Variants in SYNE2 observed in about 807,000 individuals in gnomAD.
SYNE2 encodes nesprin-2.
In SYNE2, 431 loss-of-function variants were observed where a neutral mutation model predicts 856.3. The observed-to-expected ratio is 0.50, with a 90% CI of 0.47 to 0.55. The LOEUF (loss-of-function observed/expected upper bound fraction) is 0.55, where lower values mean the gene tolerates loss of function less well. SYNE2 is among the 20% of genes least tolerant of loss of function. SYNE2 has a pLI of 0.00. For missense variants in SYNE2, 8,129 were observed against 8,023.2 expected, an observed-to-expected ratio of 1.01 and a Z score of -0.50; for synonymous variants, 2,923 against 2,872.3, an observed-to-expected ratio of 1.02 and a Z score of -0.56.
Position 64,070,734 on chromosome 14 carries a change from C to G in SYNE2, c.10521C>G (p.Leu3507=). The change falls in exon 52 of 116, where the codon CTC becomes CTG. Residue 3507 remains leucine (L), a synonymous_variant. Coordinates refer to ENST00000555002, the MANE Select transcript of SYNE2 (RefSeq NM_182914.3). ...AAGAGGCAGCCACCACAGAGGAACT[C>G]TCTGAGCTGCTAGACTGTTTATGCC... ...KTKEAATTEE[L]SELLDCLCQY... is the part of the protein sequence containing the mutation. 6.2e-7 allele frequency: 1 copy of G among 1,614,198 alleles called. No individual in the cohort carries two copies. The highest frequency in any genetic ancestry group is 1.1e-5 in the South Asian group (1 of 91,084).
chr14:64,202,239 G>A (rs1361588630), intron 99 of SYNE2: 1 of 702,350 alleles, frequency 1.4e-6, no homozygotes, highest in East Asian at 2.7e-5. Flanking sequence ...AATGTATACG[G>A]CTGGGTGAAC....
chr14:64,081,991 C>T (rs1392022669), intron 57 of SYNE2, among the ~76,000 whole-genome samples: 1 of 151,770 alleles, frequency 6.6e-6, no homozygotes, highest in Non-Finnish European at 1.5e-5. Flanking sequence ...GAGGCTGAGG[C>T]AGGAGAATGG....
In SYNE2 at chr14:64,024,986, C is replaced by T. The variant is rs113146258; in HGVS notation, c.5915C>T (p.Pro1972Leu). 8.6e-5 allele frequency: 139 copies of T among 1,613,904 alleles called. 6 individuals carry two copies. In the African/African-American group the frequency reaches 1.0e-3, roughly 12 times the overall value. Residue 1972 changes from proline (P) to leucine (L), a missense_variant, in exon 40 of 116, where the codon CCA becomes CTA. Around this residue, in one of 3 missense-constraint regions of SYNE2, gnomAD observed 2,422 missense variants for 2,357.4 expected, o/e 1.03. Coordinates refer to ENST00000555002, the MANE Select transcript of SYNE2 (RefSeq NM_182914.3). ...GAGAAATGGAAAGGAATGGAAGAAC[C>T]AGGGGAGAAAACTGAGCTGTTCTGC... ...QEEKWKGMEE[P>L]GEKTELFCQA...
intron 77 of SYNE2, 59 bp downstream of exon 77, chr14:64,132,497 C>T (rs774874620): frequency 2.4e-5 from 38 of 1,593,828 alleles, no homozygotes; most frequent in Non-Finnish European, 3.3e-5. Flanking sequence ...TCCATCACCA[C>T]CCCAGGTGTT....
At chr14:64,147,091 G>T (rs535508618) in intron 84 of SYNE2, among the ~76,000 whole-genome samples, 1 of 151,390 alleles carries the variant, frequency 6.6e-6, no homozygotes, top group Non-Finnish European at 1.5e-5. Context: ...CCTACATTCC[G>T]CAGCCTGGTG....
chr14:63,875,688 C>T (rs1199589290), intron 1 of SYNE2, among the ~76,000 whole-genome samples: 2 of 152,138 alleles, frequency 1.3e-5, no homozygotes, highest in African/African-American at 4.8e-5. Flanking sequence ...CAACCTCAGC[C>T]AGTCATGGGG....
At chr14:63,968,208 G>A (rs553558182) in intron 11 of SYNE2, among the ~76,000 whole-genome samples, 1 of 152,202 alleles carries the variant, frequency 6.6e-6, no homozygotes, top group South Asian at 2.1e-4. Flanking sequence ...TTTTTTGGAT[G>A]AGGGCTTTAT....
chr14:63,865,816 C>A (rs1023902387), intron 1 of SYNE2, among the ~76,000 whole-genome samples: 1 of 149,462 alleles, frequency 6.7e-6, no homozygotes, highest in African/African-American at 2.5e-5. Flanking sequence ...TTTTACAAAT[C>A]AAAAACAAAA....
chr14:63,821,540 G>T (rs1310802670), intron 1 of SYNE2, among the ~76,000 whole-genome samples: 1 of 151,816 alleles, frequency 6.6e-6, no homozygotes, highest in Non-Finnish European at 1.5e-5. Flanking sequence ...GATCACTTGA[G>T]GTTAGGAGTT....
intron 64 of SYNE2, among the ~76,000 whole-genome samples, chr14:64,106,957 C>T (rs2097775719): frequency 6.6e-6 from 1 of 152,008 alleles, no homozygotes; most frequent in Non-Finnish European, 1.5e-5. Context: ...GGTAGTTGTT[C>T]CTAAATGGAA....
At chr14:63,913,806 T>C (rs2095502463) in intron 2 of SYNE2, among the ~76,000 whole-genome samples, 1 of 152,154 alleles carries the variant, frequency 6.6e-6, no homozygotes, top group South Asian at 2.1e-4. Flanking sequence ...AAATTCAGGC[T>C]ATTAAAATGA....
At chr14:63,861,112 A>G (rs1893504838) in intron 1 of SYNE2, among the ~76,000 whole-genome samples, 1 of 151,094 alleles carries the variant, frequency 6.6e-6, no homozygotes, top group Admixed American at 6.6e-5. Context: ...AAGTCTATGC[A>G]TATGGTTAAG....
intron 45 of SYNE2, among the ~76,000 whole-genome samples, chr14:64,038,754 A>G (rs533353096): frequency 2.8e-3 from 427 of 152,340 alleles, no homozygotes; most frequent in African/African-American, 8.6e-3. Flanking sequence ...GAGGCAGGAG[A>G]ATCAGGCAGG....
intron 1 of SYNE2, among the ~76,000 whole-genome samples, chr14:63,832,393 G>A (rs767917263): frequency 1.3e-4 from 20 of 151,692 alleles, no homozygotes; most frequent in Non-Finnish European, 2.4e-4. Context: ...CTCCCACCTC[G>A]GCCTCCCAAA....
chr14:64,122,258 C>A, intron 69 of SYNE2, 28 bp from the exon 70 acceptor site: 1 of 1,614,086 alleles, frequency 6.2e-7, no homozygotes, highest in Non-Finnish European at 8.5e-7. Flanking sequence ...GTTGATTATT[C>A]TCTTCACCTT....
chr14:63,824,367 G>A lies in SYNE2; in HGVS notation c.-304-28134G>A, dbSNP rs893417887. 5.9e-5 allele frequency among the ~76,000 whole-genome samples: 9 copies of A among 152,134 alleles called. No individual in the cohort carries two copies. In the South Asian group the frequency reaches 6.2e-4, roughly 10 times the overall value. On this transcript the variant is annotated intron_variant, in intron 1 of 23. Coordinates refer to the SYNE2 transcript ENST00000674003. ...AAAAATGCATAACTAGGCCGAGTGCGGTGGCTCACCTCTGTAATACCAGCA... is the reference window on the plus strand; with the variant it reads ...AAAAATGCATAACTAGGCCGAGTGCAGTGGCTCACCTCTGTAATACCAGCA...
intron 49 of SYNE2, among the ~76,000 whole-genome samples, chr14:64,059,291 A>G (rs11622567): frequency 0.071 from 10,760 of 152,122 alleles, 619 homozygotes; most frequent in African/African-American, 0.15. Context: ...GATTGCTTGT[A>G]CCTGTCCTTC....
chr14:63,977,931 T>C lies in SYNE2; in HGVS notation c.1320T>C (p.His440=), dbSNP rs370869872. ...FKSLMDRFEH[H]SNILLTFENK... is the part of the protein sequence containing the mutation. ...GCCTGATGGATAGATTTGAGCATCATTCGAACATTCTCCTTACCTTTGAAA... is the reference window on the plus strand; with the variant it reads ...GCCTGATGGATAGATTTGAGCATCACTCGAACATTCTCCTTACCTTTGAAA... The change falls in exon 13 of 116, where the codon CAT becomes CAC. Residue 440 remains histidine (H), a synonymous_variant. Transcript: ENST00000555002. 2.1e-5 allele frequency: 34 copies of C among 1,613,656 alleles called. No homozygotes were observed. The highest frequency in any genetic ancestry group is 1.6e-4 in the Middle Eastern group (1 of 6,084).
intron 101 of SYNE2, 110 bp from the exon 102 acceptor site, chr14:64,209,318 G>C (rs972099588): frequency 6.4e-7 from 1 of 1,557,158 alleles, no homozygotes; most frequent in Admixed American, 1.8e-5. Context: ...TTCCCAGAAG[G>C]GGTAACAGGG....
Sources: gnomAD v4.1 joint callset for allele counts (sites outside exome capture counted in the v4.1 genomes callset) on GRCh38, gnomAD v4.1.1 for gene constraint, gnomAD v4.1.1 regional missense constraint, MANE v1.5 for transcripts, NCBI Gene and HGNC (gene_info 2026-07-23, HGNC 2026-07-21) for gene names.